The following TARS2 variants were observed in gnomAD, a reference collection of about 807,000 sequenced individuals.
TARS2 encodes the protein threonine--tRNA ligase, mitochondrial.
A neutral mutation model predicts 94.4 loss-of-function variants in TARS2; 61 were observed. The ratio of observed to expected loss-of-function variants is 0.65; its 90% CI spans 0.53 to 0.80. The LOEUF (loss-of-function observed/expected upper bound fraction) is 0.80. TARS2 is among the 30% of genes least tolerant of loss of function. TARS2 has a pLI of 0.00. For missense variants in TARS2, 704 were observed against 902.5 expected, an observed-to-expected ratio of 0.78 and a Z score of 2.82; for synonymous variants, 359 against 353.4, an observed-to-expected ratio of 1.02 and a Z score of -0.18.
At chr1:150,506,606 C>CAG (rs1488167698) in intron 17 of TARS2, among the ~76,000 whole-genome samples, 1 of 142,904 alleles carries the variant, frequency 7.0e-6, no homozygotes, top group African/African-American at 2.6e-5. Context: ...CACACACACA[C>CAG]AGTTTCTCTC....
intron 13 of TARS2, among the ~76,000 whole-genome samples, chr1:150,503,210 G>A (rs1669998530): frequency 6.6e-6 from 1 of 152,172 alleles, no homozygotes; most frequent in Non-Finnish European, 1.5e-5. Context: ...GGGCAGCACT[G>A]AGCAGTTCTC....
rs375541864 is a variant in TARS2 at position 150,492,417 on chromosome 1, C to T, written c.702C>T (p.Gly234=). Residue 234 remains glycine (G), a synonymous_variant, in exon 7 of 18, where the codon GGC becomes GGT. Transcript: ENST00000369064. ...GGCCTCTTCTTTCTCCTAGGTGTGG[C>T]ACATTGGTTGACCTTTGCCAGGGCC... ...TGPTATVYGC[G]TLVDLCQGPH... is the part of the protein sequence containing the mutation. 2 of 1,613,950 alleles carry T rather than the reference C, an allele frequency of 1.2e-6. No individual in the cohort carries two copies. The highest frequency in any genetic ancestry group is 2.7e-5 in the African/African-American group (2 of 75,024).
rs756811374 is a variant in TARS2 at position 150,487,454 on chromosome 1, G to A, written c.4G>A (p.Ala2Thr). 4 of 1,614,110 alleles carry A rather than the reference G, an allele frequency of 2.5e-6. No individual in the cohort carries two copies. Among genetic ancestry groups the A allele is most frequent in the African/African-American group, 2.7e-5 (2 of 74,942 alleles). Residue 2 changes from alanine (A) to threonine (T), a missense_variant, in exon 1 of 18, where the codon GCC (alanine) becomes ACC (threonine). By Grantham distance (58) the Ala-to-Thr change is moderately conservative. Transcript: ENST00000369064. M[A>T]LYQRWRCLRL... is the part of the protein sequence containing the mutation. ...GTAGGCACTGGTGTGAAGGAACATG[G>A]CCCTGTATCAGAGGTGGCGGTGTCT...
chr1:150,493,827 G>A (rs1003328456), intron 7 of TARS2, among the ~76,000 whole-genome samples: 2 of 151,750 alleles, frequency 1.3e-5, no homozygotes, highest in African/African-American at 4.8e-5. Context: ...TGAGTTACAA[G>A]GGAGCAAGGG....
chr1:150,491,961 GT>G (rs367685337), intron 6 of TARS2: 2,049 of 128,344 alleles, frequency 0.016, no homozygotes, highest in South Asian at 0.061. Context: ...TGCCTGGCTA[GT>G]TTTTTTTTTT....
intron 10 of TARS2, 92 bp from the exon 11 acceptor site, chr1:150,498,410 G>T (rs1317222672): frequency 2.1e-6 from 3 of 1,454,998 alleles, no homozygotes; most frequent in Non-Finnish European, 1.8e-6. Flanking sequence ...AGCAGATGGT[G>T]CAGAGAAAGT....
At chr1:150,488,467 A>ATTTT in intron 2 of TARS2, 1 of 148,290 alleles carries the variant, frequency 6.7e-6, no homozygotes. Context: ...GAGATGAGCA[A>ATTTT]CTTTCTCCCC....
chr1:150,498,415 G>A, intron 10 of TARS2, 87 bp from the exon 11 acceptor site: 3 of 1,477,318 alleles, frequency 2.0e-6, no homozygotes, highest in Non-Finnish European at 2.7e-6. Context: ...ATGGTGCAGA[G>A]AAAGTAGGCA....
At chr1:150,494,847 C>T (rs759924630) in intron 7 of TARS2, among the ~76,000 whole-genome samples, 25 of 152,104 alleles carry the variant, frequency 1.6e-4, no homozygotes, top group Non-Finnish European at 2.5e-4. Context: ...ACCATCCTGG[C>T]TAACACCGTG....
At position 150,490,599 on chromosome 1, in the gene TARS2, A is replaced by C; in HGVS notation, c.388-2A>C. 1 of 1,610,848 alleles carries C rather than the reference A, an allele frequency of 6.2e-7. No individual in the cohort carries two copies. The highest frequency in any genetic ancestry group is 8.5e-7 in the Non-Finnish European group (1 of 1,179,048). ...TTGTGAACCCCTTTTTTGTGAACCC[A>C]GGTGTTCTGGCACTCCAGCACCCAT... On this transcript the variant is annotated splice_acceptor_variant, in intron 3 of 17. Transcript: ENST00000369064. LOFTEE classifies it high-confidence loss of function.
rs1197706311 is a variant in TARS2 at position 150,499,093 on chromosome 1, A to G, written c.1539+59A>G. The stretch of plus-strand genomic sequence containing the variant: ...ACCACTCTCTGGTGGGAAGGAGTGG[A>G]GAATACAGTAATCAAGGTTCTCAGA... On this transcript the variant is annotated intron_variant, in intron 12 of 17. Transcript: ENST00000369064. 7.4e-6 allele frequency: 12 copies of G among 1,612,842 alleles called. No individual in the cohort carries two copies. The East Asian group carries it at 8.9e-5, about 12-fold the overall frequency.
chr1:150,490,293 TG>T (rs1165589344), intron 3 of TARS2, among the ~76,000 whole-genome samples: 1 of 151,808 alleles, frequency 6.6e-6, no homozygotes, highest in African/African-American at 2.4e-5. Flanking sequence ...TAGTTTTGTA[TG>T]TTTTAGCAGA....
intron 2 of TARS2, 125 bp from the exon 3 acceptor site, chr1:150,488,839 T>C (rs1669257723): frequency 7.2e-7 from 1 of 1,391,774 alleles, no homozygotes; most frequent in Non-Finnish European, 9.7e-7. Context: ...TAACTATCAC[T>C]CTATTCTCTA....
Position 150,507,141 on chromosome 1 carries a change from C to A in TARS2, c.*77C>A. 6.3e-7 allele frequency: 1 copy of A among 1,577,480 alleles called. No homozygotes were observed. Among genetic ancestry groups the A allele is most frequent in the South Asian group, 1.1e-5 (1 of 87,296 alleles). On this transcript the variant is annotated 3_prime_UTR_variant, in exon 18 of 18. Coordinates refer to ENST00000369064, the MANE Select transcript of TARS2 (RefSeq NM_025150.5). ...ACATGGGAGACCCCAACCCAGCTGA[C>A]AATGTGGAGCCCCCAGAACTTCAGA...
Position 150,504,956 on chromosome 1 carries a change from A to G in TARS2, c.1871A>G (p.Glu624Gly). The change falls in exon 16 of 18, where the codon GAG becomes GGG. Residue 624 changes from glutamate to glycine, a missense_variant. By Grantham distance (98) the Glu-to-Gly change is moderately conservative. Coordinates refer to ENST00000369064, the MANE Select transcript of TARS2 (RefSeq NM_025150.5). ...FQVVVIPVGS[E>G]QEEYAKEAQQ... ...GTGGTGGTCATCCCTGTGGGGAGTG[A>G]GCAAGAGGAATACGCCAAAGAGGTA... 5 of 1,614,126 alleles carry G rather than the reference A, an allele frequency of 3.1e-6. No homozygotes were observed. The highest frequency in any genetic ancestry group is 3.4e-6 in the Non-Finnish European group (4 of 1,180,028).
At chr1:150,498,326 C>G (rs1470073883) in intron 10 of TARS2, among the ~76,000 whole-genome samples, 176 bp from the exon 11 acceptor site, 1 of 152,136 alleles carries the variant, frequency 6.6e-6, no homozygotes, top group Non-Finnish European at 1.5e-5. Flanking sequence ...ACTTTTGAAC[C>G]TCAGGGCTCA....
intron 13 of TARS2, 83 bp downstream of exon 13, chr1:150,499,376 T>TC: frequency 2.1e-6 from 3 of 1,416,330 alleles, no homozygotes; most frequent in Non-Finnish European, 2.9e-6. Context: ...CAAAGAATTT[T>TC]TTTTTTTGAG....
At chr1:150,505,205 A>C (rs1281002758) in intron 16 of TARS2, among the ~76,000 whole-genome samples, 1 of 152,210 alleles carries the variant, frequency 6.6e-6, no homozygotes, top group Non-Finnish European at 1.5e-5. Context: ...CAAATTAACA[A>C]ATGTTGAAAG....
chr1:150,499,366 C>A, intron 13 of TARS2, 73 bp downstream of exon 13: 5 of 1,396,404 alleles, frequency 3.6e-6, no homozygotes, highest in South Asian at 1.2e-5. Flanking sequence ...TTAATAGATA[C>A]AAAGAATTTT....
Sources: allele counts gnomAD v4.1 joint callset (sites outside exome capture counted in the v4.1 genomes callset), GRCh38; gene constraint gnomAD v4.1.1; transcripts MANE v1.5; gene names NCBI Gene and HGNC (gene_info 2026-07-23, HGNC 2026-07-21).